TMEM132B: variants seen among roughly 807,000 people sequenced by gnomAD.
The protein encoded by TMEM132B is transmembrane protein 132B.
In TMEM132B, 18 loss-of-function variants were observed where a neutral mutation model predicts 90.8. That is an observed-to-expected ratio of 0.20 (90% CI 0.14 to 0.29). The LOEUF is 0.29. Among genes scored for constraint, TMEM132B ranks in the 10% least tolerant of loss-of-function variants. The pLI is 1.00. For synonymous variants in TMEM132B, 504 were observed against 523.3 expected (o/e 0.96, Z 0.50); for missense variants, 1,096 against 1,326.8 (o/e 0.83, Z 2.70).
chr12:125,558,109 A>G (rs1001852266), intron 4 of TMEM132B, among the ~76,000 whole-genome samples: 3 of 152,154 alleles, frequency 2.0e-5, no homozygotes, highest in Non-Finnish European at 4.4e-5. Context: ...TTGAGAGGAA[A>G]GGCACTGGAA....
At chr12:125,517,218 C>T (rs909956849) in intron 3 of TMEM132B, among the ~76,000 whole-genome samples, 24 of 150,828 alleles carry the variant, frequency 1.6e-4, no homozygotes, top group African/African-American at 3.9e-4. Flanking sequence ...TGGAGTGCAG[C>T]GGTGTGATCT....
rs1038660472 is a variant in TMEM132B, at chr12:125,492,888, G to A, written c.1107-26551G>A. Among the ~76,000 whole-genome samples the A allele has an allele frequency of 6.6e-6, 1 of 152,176 alleles. No individual in the cohort carries two copies. Among genetic ancestry groups the A allele is most frequent in the Non-Finnish European group, 1.5e-5 (1 of 68,024 alleles). On this transcript the variant is annotated intron_variant, in intron 3 of 8. Transcript: ENST00000682704. This position sits in a 1 kb window ranked among gnomAD's most constrained non-coding sequence, Gnocchi z 5.8. ...CTCAAGAGCTTGCAGTCCAGGAAGG[G>A]AGATGAAAATAAACCCGTGAAGATA...
At chr12:125,469,780 A>G (rs1183583239) in intron 3 of TMEM132B, among the ~76,000 whole-genome samples, 1 of 152,198 alleles carries the variant, frequency 6.6e-6, no homozygotes, top group Non-Finnish European at 1.5e-5. Flanking sequence ...CTGTAACATA[A>G]AAGTATTCTT....
chr12:125,199,060 A>C (rs985296249), intron 1 of TMEM132B, among the ~76,000 whole-genome samples: 2 of 152,248 alleles, frequency 1.3e-5, no homozygotes, highest in Non-Finnish European at 2.9e-5. Context: ...TTGTATAAAT[A>C]AGAGGATTGC....
At chr12:125,197,352 T>G (rs2136054034) in intron 1 of TMEM132B, among the ~76,000 whole-genome samples, 1 of 152,322 alleles carries the variant, frequency 6.6e-6, no homozygotes, top group South Asian at 2.1e-4. Flanking sequence ...GTCAATCAAA[T>G]TTTACTTCCT....
At chr12:125,416,648 A>G (rs965222366) in intron 3 of TMEM132B, among the ~76,000 whole-genome samples, 3 of 152,146 alleles carry the variant, frequency 2.0e-5, no homozygotes, top group Non-Finnish European at 4.4e-5. Context: ...ACCCCAGCCA[A>G]CCCCAGCTAG....
chr12:125,405,901 A>T (rs1319238383), intron 2 of TMEM132B, among the ~76,000 whole-genome samples: 1 of 152,182 alleles, frequency 6.6e-6, no homozygotes, highest in Non-Finnish European at 1.5e-5. Flanking sequence ...TGGCGCTAGG[A>T]TGCACATGGC....
chr12:125,291,816 G>A (rs1456755534), intron 1 of TMEM132B, among the ~76,000 whole-genome samples: 3 of 152,138 alleles, frequency 2.0e-5, no homozygotes, highest in Admixed American at 1.3e-4. Context: ...CATTTGTAGA[G>A]GTACAGTTCA....
intron 2 of TMEM132B, among the ~76,000 whole-genome samples, chr12:125,365,003 T>C (rs1453744938): frequency 6.6e-6 from 1 of 152,068 alleles, no homozygotes; most frequent in Non-Finnish European, 1.5e-5. Context: ...ATTTAATATG[T>C]AATTTCATTA....
chr12:125,518,146 G>A (rs909636808), intron 3 of TMEM132B, among the ~76,000 whole-genome samples: 10 of 152,082 alleles, frequency 6.6e-5, no homozygotes, highest in African/African-American at 4.8e-5. Context: ...GTGTGATTTC[G>A]TGTTGTCAGT....
intron 1 of TMEM132B, among the ~76,000 whole-genome samples, chr12:125,267,469 G>A (rs1030956280): frequency 1.3e-5 from 2 of 152,276 alleles, no homozygotes; most frequent in Middle Eastern, 3.4e-3. Flanking sequence ...TGTGTTGGGG[G>A]GTTCCATGAA....
intron 2 of TMEM132B, among the ~76,000 whole-genome samples, chr12:125,390,621 G>T (rs1171642968): frequency 6.6e-6 from 1 of 152,062 alleles, no homozygotes; most frequent in African/African-American, 2.4e-5. Flanking sequence ...CATCTTTCTC[G>T]TTGTTCTGTC....
chr12:125,317,286 C>A (rs377468300), intron 1 of TMEM132B, among the ~76,000 whole-genome samples: 1 of 152,140 alleles, frequency 6.6e-6, no homozygotes, highest in East Asian at 1.9e-4. Context: ...GAGTGCGCAC[C>A]GTGTGACTAT....
intron 3 of TMEM132B, among the ~76,000 whole-genome samples, chr12:125,454,441 C>A (rs548847941): frequency 6.7e-6 from 1 of 150,074 alleles, no homozygotes; most frequent in African/African-American, 2.5e-5. Context: ...CAATTCCTAG[C>A]ATTTCTCTGC....
chr12:125,552,914 G>A (rs1039003541), intron 4 of TMEM132B, among the ~76,000 whole-genome samples: 1 of 152,260 alleles, frequency 6.6e-6, no homozygotes, highest in African/African-American at 2.4e-5. Flanking sequence ...AGCAGGATCA[G>A]CTTCTGTTCT....
At chr12:125,522,384 G>A (rs1007249044) in intron 4 of TMEM132B, among the ~76,000 whole-genome samples, 2 of 152,328 alleles carry the variant, frequency 1.3e-5, no homozygotes, top group East Asian at 3.9e-4. Context: ...GGATTGGTTA[G>A]TTAGAAGTGA....
chr12:125,285,703 C>T (rs960057456), intron 1 of TMEM132B, among the ~76,000 whole-genome samples: 4 of 152,206 alleles, frequency 2.6e-5, no homozygotes, highest in Non-Finnish European at 5.9e-5. Context: ...CTAGCCCCCA[C>T]CCATACCCCA....
intron 4 of TMEM132B, among the ~76,000 whole-genome samples, 169 bp from the exon 5 acceptor site, chr12:125,583,682 C>T (rs75873136): frequency 0.012 from 1,883 of 152,158 alleles, 37 homozygotes; most frequent in African/African-American, 0.043. Context: ...GATGAAACAC[C>T]GATTGGAAAC....
intron 1 of TMEM132B, among the ~76,000 whole-genome samples, chr12:125,243,032 T>TATATATATATATATATATATATACACAC (rs1215676534): frequency 7.4e-6 from 1 of 135,028 alleles, no homozygotes; most frequent in Non-Finnish European, 1.6e-5. Context: ...TATATATATA[T>TATATATATATATATATATATATACACAC]ACACACACAC....
Sources: gnomAD v4.1 joint callset for allele counts (sites outside exome capture counted in the v4.1 genomes callset) on GRCh38, gnomAD v4.1.1 for gene constraint, Gnocchi (gnomAD v3.1) non-coding constraint, MANE v1.5 for transcripts, NCBI Gene and HGNC (gene_info 2026-07-23, HGNC 2026-07-21) for gene names.